The following ONECUT3 variants were observed in gnomAD, a reference collection of about 807,000 sequenced individuals.
ONECUT3 encodes the protein one cut domain family member 3.
Under a neutral mutation model 16.8 loss-of-function variants are expected in ONECUT3, and 11 were observed. That is an observed-to-expected ratio of 0.66 (90% CI 0.41 to 1.09). ONECUT3 has a LOEUF of 1.09. Ranked by LOEUF, ONECUT3 falls within the 50% of genes least tolerant of loss-of-function variation. The pLI is 0.00. For missense variants in ONECUT3, 637 were observed against 629.9 expected (o/e 1.01, Z -0.12); for synonymous variants, 344 against 310.7 (o/e 1.11, Z -1.13).
chr19:1,754,939 G>A lies in ONECUT3; in HGVS notation c.1192+85G>A, dbSNP rs192501028. On this transcript the variant is annotated intron_variant, in intron 1 of 1. Transcript: ENST00000382349. This position sits in a 1 kb window ranked among gnomAD's most constrained non-coding sequence, Gnocchi z 7.4. ...CTAGCGGGGCGGCGGCCGATGCCCG[G>A]GGCCAGCGCCCCAAGCCCCGCCCGT... 5.8e-4 allele frequency: 737 copies of A among 1,281,390 alleles called. 7 individuals carry two copies. In the South Asian group the frequency reaches 0.011, roughly 19 times the overall value. 79.4% of individuals were successfully genotyped at this position (1,281,390 alleles called of 1,614,324 possible).
chr19:1,754,634 G>A lies in ONECUT3; in HGVS notation c.972G>A (p.Lys324=). Residue 324 remains lysine (K), a synonymous_variant, in exon 1 of 2, where the codon AAG becomes AAA. Transcript: ENST00000382349. The surrounding 1 kb of genome is among the most constrained non-coding windows in gnomAD (Gnocchi z 7.4). ...CAGCGGCCGAGGAGATCAACACCAA[G>A]GAGGTGGCGCAGCGCATCACGGCGG... ...AGAAAEEINT[K]EVAQRITAEL... is the part of the protein sequence containing the mutation. The A allele has an allele frequency of 4.0e-6, 6 of 1,500,582 alleles. No homozygotes were observed. The highest frequency in any genetic ancestry group is 5.3e-6 in the Non-Finnish European group (6 of 1,126,532). 93.0% of individuals were successfully genotyped at this position (1,500,582 alleles called of 1,614,324 possible). A position where few individuals can be genotyped will look rare whatever the true frequency, so the allele number is the denominator to read the frequency against.
intron 1 of ONECUT3, among the ~76,000 whole-genome samples, chr19:1,767,978 G>A (rs2068008746): frequency 6.6e-6 from 1 of 152,044 alleles, no homozygotes; most frequent in Non-Finnish European, 1.5e-5. Context: ...GATAACCGTT[G>A]GGGAGATGGG....
Position 1,775,614 on chromosome 19 carries a change from A to G in ONECUT3, c.*169A>G. 3 of 579,982 alleles carry G rather than the reference A, an allele frequency of 5.2e-6. No homozygotes were observed. The South Asian group carries it at 7.6e-5, about 15-fold the overall frequency. 35.9% of individuals were successfully genotyped at this position (579,982 alleles called of 1,614,324 possible). The stretch of plus-strand genomic sequence containing the variant: ...GGGGAAGCAGCACACCCCCCAGCCC[A>G]AGTGCACAAAAAGGGCCCCCCTTCC... On this transcript the variant is annotated 3_prime_UTR_variant, in exon 2 of 2. Transcript: ENST00000382349.
chr19:1,772,329 A>C (rs2068062842), intron 1 of ONECUT3, among the ~76,000 whole-genome samples: 1 of 151,326 alleles, frequency 6.6e-6, no homozygotes, highest in Non-Finnish European at 1.5e-5. Context: ...TTTATATTTA[A>C]AAATTATTTA....
Position 1,777,809 on chromosome 19 carries a change from A to G in ONECUT3, c.*2364A>G, listed in dbSNP as rs2068123895. Reference sequence around the variant, plus strand: ...GCAGTTCAAGACCAGCCTGACCAACATGGTGAAACCCTGTCTCTACTAAAA... The same window carrying G: ...GCAGTTCAAGACCAGCCTGACCAACGTGGTGAAACCCTGTCTCTACTAAAA... On this transcript the variant is annotated 3_prime_UTR_variant, in exon 2 of 2. Transcript: ENST00000382349. 1 of 152,100 alleles carries G rather than the reference A, an allele frequency of 6.6e-6. No individual in the cohort carries two copies. 9.4% of individuals were successfully genotyped at this position (152,100 alleles called of 1,614,324 possible).
rs1568606463 is a variant in ONECUT3 at position 1,779,414 on chromosome 19, C to CAAGAGAGA, written c.*3969_*3970insAAGAGAGA. On this transcript the variant is annotated 3_prime_UTR_variant, in exon 2 of 2. Transcript: ENST00000382349. Reference sequence around the variant, plus strand: ...GAAAGGAAGAGAGAGAGAGAGCGAGCGCAAGAGAGAGAGAGAGGGAGAGAG... The same window carrying CAAGAGAGA: ...GAAAGGAAGAGAGAGAGAGAGCGAGCAAGAGAGAGCAAGAGAGAGAGAGAGGGAGAGAG... 2 of 151,524 alleles carry CAAGAGAGA rather than the reference C, an allele frequency of 1.3e-5. No homozygotes were observed. Among genetic ancestry groups the CAAGAGAGA allele is most frequent in the African/African-American group, 4.9e-5 (2 of 41,196 alleles). 9.4% of individuals were successfully genotyped at this position (151,524 alleles called of 1,614,324 possible).
At chr19:1,774,532 C>G (rs1034507369) in intron 1 of ONECUT3, among the ~76,000 whole-genome samples, 2 of 152,188 alleles carry the variant, frequency 1.3e-5, no homozygotes, top group Non-Finnish European at 2.9e-5. Context: ...AGTTATTTCA[C>G]CCAAGTCTAC....
At position 1,759,160 on chromosome 19, in the gene ONECUT3, A is replaced by G. The variant is rs953393799; in HGVS notation, c.1192+4306A>G. On this transcript the variant is annotated intron_variant, in intron 1 of 1. Coordinates refer to ENST00000382349, the MANE Select transcript of ONECUT3 (RefSeq NM_001080488.2). The surrounding 1 kb of genome is among the most constrained non-coding windows in gnomAD (Gnocchi z 4.1). Reference sequence around the variant, plus strand: ...CTAGGGACAAAAACCAGAGCTGTGTATGGAGTTGCATGCTGAGGGCAGCTG... The same window carrying G: ...CTAGGGACAAAAACCAGAGCTGTGTGTGGAGTTGCATGCTGAGGGCAGCTG... Among the ~76,000 whole-genome samples, 4 of 152,260 alleles carry G rather than the reference A, an allele frequency of 2.6e-5. No homozygotes were observed. Among genetic ancestry groups the G allele is most frequent in the Non-Finnish European group, 5.9e-5 (4 of 68,014 alleles).
rs564968326 is a variant in ONECUT3, at chr19:1,757,141, G to C, written c.1192+2287G>C. ...CAGGCGAGAAGTCCCATGGGGGGGG[G>C]GTGGGCTCCCCGCAGCCGGGTCAGC... On this transcript the variant is annotated intron_variant, in intron 1 of 1. Transcript: ENST00000382349. Among the ~76,000 whole-genome samples, 188 of 150,040 alleles carry C rather than the reference G, an allele frequency of 1.3e-3. 1 individual carries two copies. Among genetic ancestry groups the C allele is most frequent in the African/African-American group, 4.2e-3 (172 of 41,320 alleles).
At position 1,777,392 on chromosome 19, in the gene ONECUT3, A is replaced by G. The variant is rs114229718; in HGVS notation, c.*1947A>G. On this transcript the variant is annotated 3_prime_UTR_variant, in exon 2 of 2. Transcript: ENST00000382349. Reference sequence around the variant, plus strand: ...CACACACATGCAGAGACATGCAGACACGCAGGCACACATGCACACATGCAA... The same window carrying G: ...CACACACATGCAGAGACATGCAGACGCGCAGGCACACATGCACACATGCAA... 2,193 of 152,076 alleles carry G rather than the reference A, an allele frequency of 0.014. 66 individuals carry two copies. The highest frequency in any genetic ancestry group is 0.05 in the African/African-American group (2,066 of 41,064). 9.4% of individuals were successfully genotyped at this position (152,076 alleles called of 1,614,324 possible).
At chr19:1,773,870 T>C (rs1190842606) in intron 1 of ONECUT3, among the ~76,000 whole-genome samples, 1 of 152,182 alleles carries the variant, frequency 6.6e-6, no homozygotes, top group African/African-American at 2.4e-5. Flanking sequence ...GGGGAGGGGT[T>C]CACTTCGCTG....
rs1416204838 is a variant in ONECUT3, at chr19:1,754,963, G to T, written c.1192+109G>T. 6.4e-6 allele frequency: 8 copies of T among 1,252,276 alleles called. No individual in the cohort carries two copies. In the African/African-American group the frequency reaches 1.1e-4, roughly 17 times the overall value. The allele number at this position is 1,252,276 out of a possible 1,614,324, so 77.6% of individuals were successfully genotyped here. On this transcript the variant is annotated intron_variant, in intron 1 of 1. Transcript: ENST00000382349. This position sits in a 1 kb window ranked among gnomAD's most constrained non-coding sequence, Gnocchi z 7.4. ...GGGGCCAGCGCCCCAAGCCCCGCCC[G>T]TGCGCCCCGGCAGCCCGGGACCCCC...
chr19:1,780,451 A>T lies in ONECUT3; in HGVS notation c.*5006A>T, dbSNP rs1003599656. On this transcript the variant is annotated 3_prime_UTR_variant, in exon 2 of 2. Transcript: ENST00000382349. The stretch of plus-strand genomic sequence containing the variant: ...AGGTGGAAAGGGGCACAGATGTGCC[A>T]GCTTGGGAACAGAGGCTGGAGGAGA... 1 of 152,228 alleles carries T rather than the reference A, an allele frequency of 6.6e-6. No individual in the cohort carries two copies. The highest frequency in any genetic ancestry group is 1.5e-5 in the Non-Finnish European group (1 of 68,130). 9.4% of individuals were successfully genotyped at this position (152,228 alleles called of 1,614,324 possible).
rs529935278 is a variant in ONECUT3 at position 1,777,290 on chromosome 19, TGCAGACACACACATGCAGACAACAC to T, written c.*1864_*1888del. The T allele has an allele frequency of 6.6e-3, 1,002 of 152,544 alleles. 4 individuals carry two copies. Among genetic ancestry groups the T allele is most frequent in the Non-Finnish European group, 9.8e-3 (670 of 68,324 alleles). 9.4% of individuals were successfully genotyped at this position (152,544 alleles called of 1,614,324 possible). On this transcript the variant is annotated 3_prime_UTR_variant, in exon 2 of 2. Transcript: ENST00000382349. ...CTCTCTACCCCCCCACAGACACACATGCAGACACACACATGCAGACAACACGCAGACACACACATGCAGGCACTCA... is the reference window on the plus strand; with the variant it reads ...CTCTCTACCCCCCCACAGACACACATGCAGACACACACATGCAGGCACTCA...
At position 1,755,711 on chromosome 19, in the gene ONECUT3, T is replaced by C. The variant is rs1319138613; in HGVS notation, c.1192+857T>C. Among the ~76,000 whole-genome samples the C allele has an allele frequency of 6.6e-6, 1 of 152,196 alleles. No individual in the cohort carries two copies. The highest frequency in any genetic ancestry group is 1.5e-5 in the Non-Finnish European group (1 of 68,028). ...TCTCTTGCTCTCCGTTTTGCTCTTG[T>C]TCCTGCTCATTATCTCTTCTCCCTG... On this transcript the variant is annotated intron_variant, in intron 1 of 1. Coordinates refer to ENST00000382349, the MANE Select transcript of ONECUT3 (RefSeq NM_001080488.2). This position sits in a 1 kb window ranked among gnomAD's most constrained non-coding sequence, Gnocchi z 7.5.
intron 1 of ONECUT3, among the ~76,000 whole-genome samples, chr19:1,761,995 T>C (rs920968156): frequency 1.3e-5 from 2 of 151,922 alleles, no homozygotes; most frequent in Non-Finnish European, 2.9e-5. Flanking sequence ...CGTGCCCGGG[T>C]CACAAGTGTA....
rs1258800935 is a variant in ONECUT3 at position 1,758,329 on chromosome 19, GAGAGAGAC to G, written c.1192+3481_1192+3488del. Among the ~76,000 whole-genome samples the G allele has an allele frequency of 7.6e-3, 1,140 of 149,096 alleles. 15 individuals are homozygous for G. Among genetic ancestry groups the G allele is most frequent in the African/African-American group, 0.027 (1,096 of 40,222 alleles). On this transcript the variant is annotated intron_variant, in intron 1 of 1. Coordinates refer to ENST00000382349, the MANE Select transcript of ONECUT3 (RefSeq NM_001080488.2). The surrounding 1 kb of genome is among the most constrained non-coding windows in gnomAD (Gnocchi z 5.9). ...AAAAAAAAAAAAAGAGAGAGAGAGAGAGAGAGACAGAGATGGGAGAGGAACTCTGGGTG... is the reference window on the plus strand; with the variant it reads ...AAAAAAAAAAAAAGAGAGAGAGAGAGAGAGATGGGAGAGGAACTCTGGGTG...
intron 1 of ONECUT3, among the ~76,000 whole-genome samples, chr19:1,763,267 G>A (rs911321326): frequency 6.0e-5 from 9 of 149,518 alleles, no homozygotes; most frequent in African/African-American, 2.2e-4. Flanking sequence ...CGGAGGCTGC[G>A]ACAGGAGAAT....
At chr19:1,757,875 C>A (rs1482018855) in intron 1 of ONECUT3, among the ~76,000 whole-genome samples, 1 of 152,224 alleles carries the variant, frequency 6.6e-6, no homozygotes, top group African/African-American at 2.4e-5. Flanking sequence ...CTGCCCCCGC[C>A]CCGCCCCCGC....
Sources: allele counts gnomAD v4.1 joint callset (sites outside exome capture counted in the v4.1 genomes callset), GRCh38; gene constraint gnomAD v4.1.1; non-coding constraint Gnocchi (gnomAD v3.1); transcripts MANE v1.5; gene names NCBI Gene and HGNC (gene_info 2026-07-23, HGNC 2026-07-21).